ALK: variants seen among roughly 807,000 people sequenced by gnomAD.
The protein encoded by ALK is ALK tyrosine kinase receptor.
A neutral mutation model predicts 163.1 loss-of-function variants in ALK; 74 were observed. The ratio of observed to expected loss-of-function variants is 0.45; its 90% CI spans 0.38 to 0.55. ALK has a LOEUF of 0.55. Among genes scored for constraint, ALK ranks in the 20% least tolerant of loss-of-function variants. ALK has a pLI of 0.00. For synonymous variants in ALK, 960 were observed against 843.2 expected, an observed-to-expected ratio of 1.14 and a Z score of -2.40; for missense variants, 2,063 against 2,105.3, an observed-to-expected ratio of 0.98 and a Z score of 0.39.
intron 1 of ALK, among the ~76,000 whole-genome samples, chr2:29,879,584 A>G (rs1666804454): frequency 6.6e-6 from 1 of 152,206 alleles, no homozygotes; most frequent in Non-Finnish European, 1.5e-5. Flanking sequence ...GACTGACAGC[A>G]TGGGAAAGTA....
At chr2:29,831,783 G>A (rs1399039313) in intron 1 of ALK, among the ~76,000 whole-genome samples, 1 of 152,156 alleles carries the variant, frequency 6.6e-6, no homozygotes, top group African/African-American at 2.4e-5. Context: ...ATGCCAGGAG[G>A]ACAAATGAGG....
chr2:29,490,028 G>T (rs893309710), intron 4 of ALK, among the ~76,000 whole-genome samples: 1 of 152,244 alleles, frequency 6.6e-6, no homozygotes, highest in African/African-American at 2.4e-5. Context: ...AGGAACTAGG[G>T]CATGGGCCAG....
At chr2:29,867,951 A>G (rs1177043005) in intron 1 of ALK, among the ~76,000 whole-genome samples, 1 of 152,134 alleles carries the variant, frequency 6.6e-6, no homozygotes, top group Non-Finnish European at 1.5e-5. Context: ...CCTCATTTCC[A>G]TTGGAAGGTT....
chr2:29,788,981 G>A (rs1048400965), intron 1 of ALK, among the ~76,000 whole-genome samples: 1 of 144,330 alleles, frequency 6.9e-6, no homozygotes, highest in Non-Finnish European at 1.5e-5. Flanking sequence ...TTTTGCAAAC[G>A]GCCGAGTCTA....
intron 1 of ALK, among the ~76,000 whole-genome samples, chr2:29,913,674 T>A (rs180895180): frequency 2.6e-5 from 4 of 152,318 alleles, no homozygotes; most frequent in Admixed American, 2.6e-4. Context: ...GAAACCACCA[T>A]GTACAAAATG....
At chr2:29,526,284 T>C (rs1283233932) in intron 4 of ALK, among the ~76,000 whole-genome samples, 1 of 152,162 alleles carries the variant, frequency 6.6e-6, no homozygotes, top group Non-Finnish European at 1.5e-5. Context: ...CTGAGACTTG[T>C]CCAAGCTCAT....
At chr2:29,236,251 C>A (rs1664378442) in intron 13 of ALK, among the ~76,000 whole-genome samples, 1 of 152,054 alleles carries the variant, frequency 6.6e-6, no homozygotes, top group Non-Finnish European at 1.5e-5. Context: ...GCTGCCCAGT[C>A]TGAACCAGTG....
At chr2:29,611,770 A>G (rs571803332) in intron 3 of ALK, among the ~76,000 whole-genome samples, 26 of 152,114 alleles carry the variant, frequency 1.7e-4, no homozygotes, top group East Asian at 1.2e-3. Flanking sequence ...CCTTCGCTCT[A>G]TCTCTCTGTC....
At chr2:29,765,007 T>C (rs1680818424) in intron 1 of ALK, among the ~76,000 whole-genome samples, 1 of 151,448 alleles carries the variant, frequency 6.6e-6, no homozygotes, top group Non-Finnish European at 1.5e-5. Flanking sequence ...GGCACCTCCT[T>C]CTCTCTCTCT....
At chr2:29,309,756 A>G (rs1666646867) in intron 8 of ALK, among the ~76,000 whole-genome samples, 1 of 151,900 alleles carries the variant, frequency 6.6e-6, no homozygotes, top group South Asian at 2.1e-4. Flanking sequence ...GGGGCTGCAC[A>G]ATTAATTAGT....
intron 3 of ALK, among the ~76,000 whole-genome samples, chr2:29,574,847 C>T (rs1045873588): frequency 6.6e-6 from 1 of 152,220 alleles, no homozygotes; most frequent in African/African-American, 2.4e-5. Context: ...CAGTCCCACA[C>T]ACACCCTTTC....
chr2:29,669,844 A>G (rs1214977754), intron 3 of ALK, among the ~76,000 whole-genome samples: 2 of 148,840 alleles, frequency 1.3e-5, no homozygotes, highest in Non-Finnish European at 3.0e-5. Flanking sequence ...CTTATCTTAG[A>G]TCACAAATAG....
intron 1 of ALK, among the ~76,000 whole-genome samples, chr2:29,769,932 C>T (rs1365917534): frequency 6.6e-6 from 1 of 152,188 alleles, no homozygotes; most frequent in Non-Finnish European, 1.5e-5. Flanking sequence ...GCCCTATTTT[C>T]CCAGAACTCC....
chr2:29,533,130 C>T (rs764190003), intron 3 of ALK, among the ~76,000 whole-genome samples: 6 of 152,206 alleles, frequency 3.9e-5, no homozygotes, highest in East Asian at 1.9e-4. Context: ...TAAGTAAAAG[C>T]GACTTCTGGT....
chr2:29,636,346 GAAAAGAAAAGAAAAGA>G, intron 3 of ALK, among the ~76,000 whole-genome samples: 1 of 16,472 alleles, frequency 6.1e-5, no homozygotes, highest in African/African-American at 1.4e-4. Flanking sequence ...AGAAAGAAAA[GAAAAGAAAAGAAAAGA>G]AAAGAAAAGA....
intron 3 of ALK, among the ~76,000 whole-genome samples, chr2:29,600,832 C>A (rs912564056): frequency 1.3e-5 from 2 of 152,066 alleles, no homozygotes; most frequent in African/African-American, 4.8e-5. Context: ...AGGAAGGAAC[C>A]CAGGCCGTAT....
rs1987335 is a variant in ALK at position 29,740,957 on chromosome 2, G to A, written c.668-23260C>T. ...GCAGAGGTTGCAGTGAGCAGTGATC[G>A]TGCCACTGCATGCCAGCCCGGGTGA... On this transcript the variant is annotated intron_variant, in intron 1 of 28. Coordinates refer to ENST00000389048, the MANE Select transcript of ALK (RefSeq NM_004304.5). 5.3e-3 allele frequency among the ~76,000 whole-genome samples: 804 copies of A among 152,236 alleles called. 4 individuals carry two copies. The highest frequency in any genetic ancestry group is 0.018 in the African/African-American group (768 of 41,542).
intron 9 of ALK, 52 bp from the exon 10 acceptor site, chr2:29,275,548 T>C (rs775987826): frequency 1.9e-6 from 3 of 1,588,888 alleles, no homozygotes; most frequent in Middle Eastern, 1.7e-4. Flanking sequence ...GGGTCTTGTC[T>C]TAGGATTCAG....
At chr2:29,516,476 C>A (rs755433356) in intron 4 of ALK, among the ~76,000 whole-genome samples, 2 of 152,098 alleles carry the variant, frequency 1.3e-5, no homozygotes, top group Non-Finnish European at 2.9e-5. Context: ...TGGTACATGT[C>A]GGGGAGATGG....
Sources: allele counts gnomAD v4.1 joint callset (sites outside exome capture counted in the v4.1 genomes callset), GRCh38; gene constraint gnomAD v4.1.1; transcripts MANE v1.5; gene names NCBI Gene and HGNC (gene_info 2026-07-23, HGNC 2026-07-21).